RCOR1: variants seen among roughly 807,000 people sequenced by gnomAD.
RCOR1 encodes REST corepressor 1.
Under a neutral mutation model 64.0 loss-of-function variants are expected in RCOR1, and 12 were observed. That is an observed-to-expected ratio of 0.19 (90% CI 0.12 to 0.30). The LOEUF is 0.30. RCOR1 is among the 10% of genes least tolerant of loss of function. RCOR1 has a pLI of 1.00. For missense variants in RCOR1, 502 were observed against 621.2 expected (o/e 0.81, Z 2.04); for synonymous variants, 279 against 227.2 (o/e 1.23, Z -2.05).
At chr14:102,710,913 G>T (rs779404511) in intron 6 of RCOR1, 22 bp from the exon 7 acceptor site, 2 of 1,547,742 alleles carry the variant, frequency 1.3e-6, no homozygotes, top group East Asian at 2.3e-5. Flanking sequence ...TAATCATTCA[G>T]TAACTTGTTC....
chr14:102,698,191 AGGAGTTGAAAAT>A (rs1177522684), intron 3 of RCOR1, among the ~76,000 whole-genome samples: 3 of 152,234 alleles, frequency 2.0e-5, no homozygotes, highest in Non-Finnish European at 4.4e-5. Context: ...AAAGCAAAAG[AGGAGTTGAAAAT>A]GGAGTAGCAT....
At chr14:102,691,939 C>T (rs1023638672) in intron 3 of RCOR1, among the ~76,000 whole-genome samples, 1 of 152,138 alleles carries the variant, frequency 6.6e-6, no homozygotes, top group African/African-American at 2.4e-5. Flanking sequence ...ATGCTAAGTT[C>T]TGAGAGATCA....
chr14:102,703,241 C>CAT (rs1895784219), intron 4 of RCOR1, among the ~76,000 whole-genome samples: 1 of 152,292 alleles, frequency 6.6e-6, no homozygotes, highest in African/African-American at 2.4e-5. Flanking sequence ...GGTGGACTAA[C>CAT]ATATGCATGT....
chr14:102,724,879 A>G (rs566849298), intron 11 of RCOR1, among the ~76,000 whole-genome samples: 33 of 152,286 alleles, frequency 2.2e-4, no homozygotes, highest in African/African-American at 7.5e-4. Context: ...AACAGCTGAG[A>G]AAGATGTCTG....
chr14:102,721,396 A>G lies in RCOR1; in HGVS notation c.1189+19A>G, dbSNP rs772140711. 26 of 1,605,860 alleles carry G rather than the reference A, an allele frequency of 1.6e-5. No homozygotes were observed. Among genetic ancestry groups the G allele is most frequent in the East Asian group, 2.2e-5 (1 of 44,840 alleles). On this transcript the variant is annotated intron_variant, in intron 10 of 11. Transcript: ENST00000262241. ...GTACAAGGTAGGGGGAAGTTCTTCT[A>G]AAGAGTTTAGGAGGCCGGCTGTGGT...
At chr14:102,676,031 G>GTTT (rs199759549) in intron 2 of RCOR1, among the ~76,000 whole-genome samples, 11 of 142,746 alleles carry the variant, frequency 7.7e-5, no homozygotes, top group African/African-American at 2.8e-4. Context: ...ATATTTCACA[G>GTTT]TTTTTTTTTT....
chr14:102,645,774 A>G (rs1035107377), intron 2 of RCOR1, among the ~76,000 whole-genome samples: 7 of 152,168 alleles, frequency 4.6e-5, no homozygotes, highest in Non-Finnish European at 8.8e-5. Context: ...TGATTGGGCA[A>G]TTGTGGCTCA....
chr14:102,657,476 A>G (rs1894750389), intron 2 of RCOR1: 2 of 983,966 alleles, frequency 2.0e-6, no homozygotes, highest in African/African-American at 1.7e-5. Context: ...CCTTTTTGAT[A>G]TTAGAGATTT....
At chr14:102,652,130 A>G (rs771160322) in intron 2 of RCOR1, among the ~76,000 whole-genome samples, 4 of 152,172 alleles carry the variant, frequency 2.6e-5, no homozygotes, top group Non-Finnish European at 5.9e-5. Flanking sequence ...TGGTGTTTGG[A>G]TTGATTATTT....
intron 2 of RCOR1, among the ~76,000 whole-genome samples, chr14:102,616,206 A>ATGTGTGTGTGTGTGTGTG (rs56991991): frequency 6.7e-6 from 1 of 149,154 alleles, no homozygotes; most frequent in East Asian, 2.0e-4. Flanking sequence ...ACATGTGTAT[A>ATGTGTGTGTGTGTGTGTG]TGTGTGTGTG....
intron 11 of RCOR1, among the ~76,000 whole-genome samples, chr14:102,722,918 G>A (rs966481334): frequency 2.2e-4 from 34 of 152,322 alleles, no homozygotes; most frequent in African/African-American, 7.9e-4. Flanking sequence ...ATTGGCTTAA[G>A]TATTGATGGG....
rs1289342444 is a variant in RCOR1, at chr14:102,727,312, C to T, written c.*806C>T. The T allele has an allele frequency of 2.4e-5, 3 of 127,270 alleles. No homozygotes were observed. The highest frequency in any genetic ancestry group is 3.5e-5 in the Non-Finnish European group (2 of 57,012). 7.9% of individuals were successfully genotyped at this position (127,270 alleles called of 1,614,324 possible). ...CCCACCCCCCCACCTCCAAGAGGTT[C>T]GGCCCACATCACTGTACCTGGTGCT... On this transcript the variant is annotated 3_prime_UTR_variant, in exon 12 of 12. Coordinates refer to ENST00000262241, the MANE Select transcript of RCOR1 (RefSeq NM_015156.4).
chr14:102,599,129 C>CT (rs559427959), intron 2 of RCOR1, among the ~76,000 whole-genome samples: 2,213 of 151,184 alleles, frequency 0.015, 33 homozygotes, highest in Non-Finnish European at 0.021. Flanking sequence ...TTTTTCTTTC[C>CT]TTTTTTTTCC....
chr14:102,605,182 G>A (rs934515225), intron 2 of RCOR1, among the ~76,000 whole-genome samples: 4 of 151,774 alleles, frequency 2.6e-5, no homozygotes, highest in Non-Finnish European at 5.9e-5. Context: ...TTTATGTTTC[G>A]GGTTGCCAGA....
chr14:102,703,360 A>C (rs964780109), intron 4 of RCOR1, among the ~76,000 whole-genome samples: 5 of 152,356 alleles, frequency 3.3e-5, no homozygotes, highest in African/African-American at 1.2e-4. Context: ...ACAAACATCC[A>C]AGAAACTCAG....
rs779705436 is a variant in RCOR1, at chr14:102,707,558, A to G, written c.660+46A>G. ...AGTTCTATTTTTTTTCTCCTATCTA[A>G]CTCTCTTTTGCAGCATACTTGAGAT... On this transcript the variant is annotated intron_variant, in intron 5 of 11. Transcript: ENST00000262241. 4.7e-6 allele frequency: 7 copies of G among 1,475,054 alleles called. No homozygotes were observed. The East Asian group carries it at 1.6e-4, about 34-fold the overall frequency. The allele number at this position is 1,475,054 out of a possible 1,614,324, so 91.4% of individuals were successfully genotyped here.
intron 2 of RCOR1, among the ~76,000 whole-genome samples, chr14:102,635,073 GTC>G (rs1894208727): frequency 6.6e-6 from 1 of 151,884 alleles, no homozygotes; most frequent in South Asian, 2.1e-4. Flanking sequence ...GCCTCAAGCA[GTC>G]CTCCTGCCTT....
chr14:102,629,477 T>G (rs1007214689), intron 2 of RCOR1, among the ~76,000 whole-genome samples: 4 of 148,828 alleles, frequency 2.7e-5, no homozygotes, highest in Admixed American at 6.8e-5. Context: ...GAATAGTGCC[T>G]GGTGCAAATT....
chr14:102,726,578 C>T lies in RCOR1; in HGVS notation c.*72C>T, dbSNP rs745598289. 8.9e-5 allele frequency: 113 copies of T among 1,263,220 alleles called. 1 individual carries two copies. The highest frequency in any genetic ancestry group is 9.7e-5 in the Non-Finnish European group (86 of 885,332). 78.3% of individuals were successfully genotyped at this position (1,263,220 alleles called of 1,614,324 possible). A position where few individuals can be genotyped will look rare whatever the true frequency, so the allele number is the denominator to read the frequency against. ...GGATATCAGGTATTATGAGACATCA[C>T]CTAGCCATCTGCATCACATCTCTCT... On this transcript the variant is annotated 3_prime_UTR_variant, in exon 12 of 12. Coordinates refer to ENST00000262241, the MANE Select transcript of RCOR1 (RefSeq NM_015156.4).
Sources: allele counts gnomAD v4.1 joint callset (sites outside exome capture counted in the v4.1 genomes callset), GRCh38; gene constraint gnomAD v4.1.1; transcripts MANE v1.5; gene names NCBI Gene and HGNC (gene_info 2026-07-23, HGNC 2026-07-21).